The following ANO1 variants were observed in gnomAD, a reference collection of about 807,000 sequenced individuals.
ANO1 encodes anoctamin 1, also known as anoctamin-1.
ANO1 carries 59 observed loss-of-function variants against 124.0 expected under a neutral mutation model. The ratio of observed to expected loss-of-function variants is 0.48; its 90% CI spans 0.39 to 0.59. ANO1 has a LOEUF of 0.59. Among genes scored for constraint, ANO1 ranks in the 20% least tolerant of loss-of-function variants. The pLI is 0.00. For synonymous variants in ANO1, 529 were observed against 532.0 expected (o/e 0.99, Z 0.08); for missense variants, 1,059 against 1,328.0 (o/e 0.80, Z 3.15).
chr11:70,036,808 C>T (rs12281567), intron 1 of ANO1, among the ~76,000 whole-genome samples: 18 of 152,258 alleles, frequency 1.2e-4, no homozygotes, highest in African/African-American at 3.9e-4. Flanking sequence ...GGGGTTTCAC[C>T]GTGTTAGCCA....
the ANO1 span, among the ~76,000 whole-genome samples, chr11:69,976,507 T>A: frequency 8.1e-5 from 6 of 74,498 alleles, no homozygotes; most frequent in African/African-American, 3.3e-4. Flanking sequence ...ACTCCGTCTC[T>A]AAAAAAAAAA....
chr11:70,015,854 C>A (rs556907713), intron 1 of ANO1: 1 of 152,346 alleles, frequency 6.6e-6, no homozygotes, highest in African/African-American at 2.4e-5. Flanking sequence ...CCACGCGACT[C>A]CACAAGGAGA....
At chr11:70,024,427 C>T (rs1413009573) in intron 1 of ANO1, among the ~76,000 whole-genome samples, 1 of 152,186 alleles carries the variant, frequency 6.6e-6, no homozygotes, top group East Asian at 1.9e-4. Context: ...GGGCAGAAGA[C>T]ATTCGCCCGC....
At position 70,160,649 on chromosome 11, in the gene ANO1, G is replaced by A. The variant is rs557332933; in HGVS notation, c.1579-512G>A. 9.2e-5 allele frequency among the ~76,000 whole-genome samples: 14 copies of A among 152,326 alleles called. 1 individual carries two copies. In the South Asian group the frequency reaches 2.9e-3, roughly 32 times the overall value. Reference sequence around the variant, plus strand: ...TCCTTTACCAGGGGAGTCCCTGGGAGGTGGCTGTGAGAGAGGCACACCTCA... The same window carrying A: ...TCCTTTACCAGGGGAGTCCCTGGGAAGTGGCTGTGAGAGAGGCACACCTCA... On this transcript the variant is annotated intron_variant, in intron 16 of 25. Coordinates refer to ENST00000355303, the MANE Select transcript of ANO1 (RefSeq NM_018043.7).
upstream of ANO1, among the ~76,000 whole-genome samples, chr11:70,077,693 G>A (rs1456393173): frequency 6.6e-6 from 1 of 152,210 alleles, no homozygotes; most frequent in African/African-American, 2.4e-5. Context: ...TCCTAAGCCT[G>A]AGTGTCCTCT....
chr11:69,966,679 C>G, the ANO1 span, among the ~76,000 whole-genome samples: 3 of 151,990 alleles, frequency 2.0e-5, no homozygotes, highest in African/African-American at 7.3e-5. Context: ...GGGTGAGAGG[C>G]AGGGGACAAG....
upstream of ANO1, among the ~76,000 whole-genome samples, chr11:69,985,456 G>T (rs972647100): frequency 4.6e-5 from 7 of 152,190 alleles, no homozygotes; most frequent in African/African-American, 1.7e-4. Context: ...GTGACAAATT[G>T]ACAGTGATTC....
chr11:70,064,541 C>G (rs927084625), intron 1 of ANO1: 3 of 152,236 alleles, frequency 2.0e-5, no homozygotes, highest in Non-Finnish European at 4.4e-5. Flanking sequence ...ATGCTGGCCT[C>G]CCTGTTTGGG....
At position 70,078,583 on chromosome 11, in the gene ANO1, G is replaced by C; in HGVS notation, c.-24G>C. 2.1e-6 allele frequency: 3 copies of C among 1,436,706 alleles called. No individual in the cohort carries two copies. The highest frequency in any genetic ancestry group is 6.8e-5 in the East Asian group (2 of 29,422). 89.0% of individuals were successfully genotyped at this position (1,436,706 alleles called of 1,614,324 possible). ...GGATGGGGAGGGCGCGCCGCCCGGCGGTCCCAGCGCACAGGCGGCCACGAT... is the reference window on the plus strand; with the variant it reads ...GGATGGGGAGGGCGCGCCGCCCGGCCGTCCCAGCGCACAGGCGGCCACGAT... On this transcript the variant is annotated 5_prime_UTR_variant, in exon 1 of 26. Coordinates refer to ENST00000355303, the MANE Select transcript of ANO1 (RefSeq NM_018043.7).
chr11:70,169,137 G>A (rs1299244832), intron 21 of ANO1, among the ~76,000 whole-genome samples: 2 of 152,194 alleles, frequency 1.3e-5, no homozygotes, highest in African/African-American at 4.8e-5. Flanking sequence ...CAAGACACGA[G>A]CACAGCCTGC....
upstream of ANO1, among the ~76,000 whole-genome samples, chr11:70,077,875 G>C (rs1307454599): frequency 6.6e-6 from 1 of 152,198 alleles, no homozygotes; most frequent in South Asian, 2.1e-4. Flanking sequence ...ACTGCCCCGG[G>C]AGAGACTCCC....
intron 1 of ANO1, among the ~76,000 whole-genome samples, chr11:70,079,271 G>A (rs900841382): frequency 6.6e-6 from 1 of 152,104 alleles, no homozygotes; most frequent in Non-Finnish European, 1.5e-5. Flanking sequence ...CAGGGCACTG[G>A]GCCTGGTACC....
At position 70,153,083 on chromosome 11, in the gene ANO1, C is replaced by T. The variant is rs17853148; in HGVS notation, c.1380C>T (p.Ala460=). The T allele has an allele frequency of 6.2e-7, 1 of 1,607,784 alleles. No individual in the cohort carries two copies. Among genetic ancestry groups the T allele is most frequent in the East Asian group, 2.2e-5 (1 of 44,774 alleles). The change falls in exon 14 of 26, where the codon GCC becomes GCT. Residue 460 remains alanine, a synonymous_variant. Coordinates refer to ENST00000355303, the MANE Select transcript of ANO1 (RefSeq NM_018043.7). ...VKDHPRAEYE[A]RVLEKSLKKE... The stretch of plus-strand genomic sequence containing the variant: ...ATCATCCTAGAGCTGAATACGAAGC[C>T]AGAGTCTTGGAGAAGTCTCTGAAGA...
In ANO1 at chr11:70,031,838, T is replaced by C. The variant is rs562478948; in HGVS notation, c.58+45672T>C. ...GGATGCTTCCGACGTACATCCACAC[T>C]GGCCAGCAAGCCTCCTCTGGCATCA... On this transcript the variant is annotated intron_variant, in intron 1 of 27. Coordinates refer to the ANO1 transcript ENST00000531349. 7.2e-5 allele frequency among the ~76,000 whole-genome samples: 11 copies of C among 152,308 alleles called. No individual in the cohort carries two copies. In the East Asian group the frequency reaches 2.1e-3, roughly 29 times the overall value.
At chr11:70,044,345 C>A (rs782664603) in intron 1 of ANO1, among the ~76,000 whole-genome samples, 1 of 152,154 alleles carries the variant, frequency 6.6e-6, no homozygotes, top group Non-Finnish European at 1.5e-5. Flanking sequence ...AAATGGTCTA[C>A]ACACTCCAAT....
At chr11:70,152,597 C>A in intron 13 of ANO1, 136 bp downstream of exon 13, 1 of 1,035,844 alleles carries the variant, frequency 9.7e-7, no homozygotes, top group Non-Finnish European at 1.5e-6. Flanking sequence ...TGCTTTCTCC[C>A]CACCTCCGGT....
chr11:70,004,714 C>G (rs1048045216), intron 1 of ANO1, among the ~76,000 whole-genome samples: 1 of 152,206 alleles, frequency 6.6e-6, no homozygotes, highest in Non-Finnish European at 1.5e-5. Context: ...CTAGACTTGG[C>G]AAATAAGCTT....
chr11:70,089,779 A>AT (rs1402153756), intron 2 of ANO1, among the ~76,000 whole-genome samples: 1 of 152,162 alleles, frequency 6.6e-6, no homozygotes, highest in African/African-American at 2.4e-5. Context: ...TGGATTCCTG[A>AT]TGGGTTTTCG....
intron 1 of ANO1, among the ~76,000 whole-genome samples, chr11:70,001,458 C>T (rs192294060): frequency 1.3e-5 from 2 of 152,304 alleles, no homozygotes; most frequent in Admixed American, 6.5e-5. Flanking sequence ...GGATGACTAT[C>T]CCATGCTCCC....
Sources: gnomAD v4.1 joint callset for allele counts (sites outside exome capture counted in the v4.1 genomes callset) on GRCh38, gnomAD v4.1.1 for gene constraint, MANE v1.5 for transcripts, NCBI Gene and HGNC (gene_info 2026-07-23, HGNC 2026-07-21) for gene names.